Variants in DMD observed in about 807,000 individuals in gnomAD.
DMD encodes the protein dystrophin, also known as mutant dystrophin.
Under a neutral mutation model 330.1 loss-of-function variants are expected in DMD, and 63 were observed. The ratio of observed to expected loss-of-function variants is 0.19; its 90% CI spans 0.16 to 0.24. The LOEUF (loss-of-function observed/expected upper bound fraction) is 0.24. DMD is among the 10% of genes least tolerant of loss of function. The pLI, the probability that DMD is intolerant of heterozygous loss-of-function variation, is 1.00. For missense variants in DMD, 3,344 were observed against 2,684.1 expected (o/e 1.25, Z -5.43); for synonymous variants, 1,223 against 959.8 (o/e 1.27, Z -5.07).
At chrX:31,818,205 T>G in intron 50 of DMD, among the ~76,000 whole-genome samples, 1 of 112,372 alleles carries the variant, frequency 8.9e-6, no homozygotes, top group East Asian at 2.8e-4. Context: ...ATTGAGACAG[T>G]ATATATTTTC....
At chrX:32,110,028 A>G (rs914958165) in intron 44 of DMD, among the ~76,000 whole-genome samples, 10 of 112,011 alleles carry the variant, frequency 8.9e-5, no homozygotes, top group African/African-American at 3.2e-4. Flanking sequence ...TATGACTTTT[A>G]TAATAGTACA....
chrX:31,312,515 T>C (rs1277351049), intron 62 of DMD, among the ~76,000 whole-genome samples: 3 of 112,443 alleles, frequency 2.7e-5, no homozygotes, highest in Non-Finnish European at 5.6e-5. Flanking sequence ...GATGGGAATG[T>C]AAATTAGTTC....
chrX:32,732,570 G>T (rs761891646), intron 7 of DMD, among the ~76,000 whole-genome samples: 1 of 111,617 alleles, frequency 9.0e-6, no homozygotes, highest in South Asian at 3.8e-4. Context: ...TCTCTCGGCA[G>T]ACACCCTACA....
intron 1 of DMD, among the ~76,000 whole-genome samples, chrX:33,333,379 T>C (rs1050101606): frequency 1.8e-4 from 20 of 111,367 alleles, no homozygotes; most frequent in Non-Finnish European, 3.6e-4. Context: ...TCCTCAGTTT[T>C]ATAGTCTTCA....
At chrX:31,179,724 A>G (rs1469003122) in intron 69 of DMD, among the ~76,000 whole-genome samples, 1 of 111,534 alleles carries the variant, frequency 9.0e-6, no homozygotes, top group African/African-American at 3.3e-5. Flanking sequence ...TCACAGTTCT[A>G]TTGGCCACTT....
At chrX:32,987,944 G>T (rs1410269738) in intron 2 of DMD, among the ~76,000 whole-genome samples, 1 of 108,785 alleles carries the variant, frequency 9.2e-6, no homozygotes, top group African/African-American at 3.4e-5. Context: ...GATAAAAAAT[G>T]ATTAACAAAA....
chrX:32,362,850 G>A lies in DMD; in HGVS notation c.5263C>T (p.Pro1755Ser), dbSNP rs1057515872. The A allele has an allele frequency of 2.4e-5, 29 of 1,208,841 alleles. No individual in the cohort carries two copies. Among genetic ancestry groups the A allele is most frequent in the African/African-American group, 3.5e-5 (2 of 56,840 alleles). ...CGATGGTTGAGCTCTGAGATTTGGG[G>A]CTCTACTAATTTCCTGCAGTGGTCA... ...RGDHCRKLVE[P>S]QISELNHRFA... is the part of the protein sequence containing the mutation. The change falls in exon 37 of 79, where the codon CCC (proline) becomes TCC (serine). Residue 1755 changes from proline to serine, a missense_variant. Coordinates refer to ENST00000357033, the MANE Select transcript of DMD (RefSeq NM_004006.3).
At chrX:32,206,660 T>C (rs2097070542) in intron 44 of DMD, 1 of 506,114 alleles carries the variant, frequency 2.0e-6, no homozygotes, top group Non-Finnish European at 3.6e-6. Context: ...GCCAAGTTCA[T>C]GAATTATGTG....
intron 44 of DMD, among the ~76,000 whole-genome samples, chrX:32,099,512 A>G (rs1389610193): frequency 9.1e-6 from 1 of 110,142 alleles, no homozygotes; most frequent in African/African-American, 3.3e-5. Flanking sequence ...ACAATGATAG[A>G]CTGGATTAAG....
chrX:31,690,967 G>A (rs767510389), intron 52 of DMD, among the ~76,000 whole-genome samples: 3 of 110,220 alleles, frequency 2.7e-5, no homozygotes, highest in African/African-American at 6.6e-5. Context: ...GGGGCCTGTC[G>A]TGGGGTGAGG....
rs1017412260 is a variant in DMD at position 32,454,560 on chromosome X, C to T, written c.3603+102G>A. Reference sequence around the variant, plus strand: ...TAAAAATCAACCTCTTCTCTTAGAACCAGGAAAGAGCAGACTGTATACAAC... The same window carrying T: ...TAAAAATCAACCTCTTCTCTTAGAATCAGGAAAGAGCAGACTGTATACAAC... On this transcript the variant is annotated intron_variant, in intron 26 of 78. Transcript: ENST00000357033. The T allele has an allele frequency of 6.2e-6, 4 of 650,233 alleles. No homozygotes were observed. In the African/African-American group the frequency reaches 6.8e-5, roughly 11 times the overall value. 53.6% of individuals were successfully genotyped at this position (650,233 alleles called of 1,213,427 possible). A position where few individuals can be genotyped will look rare whatever the true frequency, so the allele number is the denominator to read the frequency against.
At chrX:33,276,028 G>A (rs962979717) in intron 1 of DMD, among the ~76,000 whole-genome samples, 2 of 111,269 alleles carry the variant, frequency 1.8e-5, no homozygotes, top group East Asian at 2.8e-4. Context: ...GCAAATTTCC[G>A]ATTTATGTAC....
intron 4 of DMD, among the ~76,000 whole-genome samples, chrX:32,841,230 C>G (rs921248513): frequency 5.4e-5 from 6 of 110,219 alleles, no homozygotes; most frequent in African/African-American, 1.7e-4. Context: ...TTCTAGAAAA[C>G]CTAAAATTTA....
intron 61 of DMD, among the ~76,000 whole-genome samples, chrX:31,332,782 CCT>C (rs2057201480): frequency 8.9e-6 from 1 of 112,061 alleles, no homozygotes; most frequent in South Asian, 3.8e-4. Flanking sequence ...CAAAATGCTT[CCT>C]CTGTGTTAAG....
In DMD at chrX:31,841,662, T is replaced by C. The variant is rs185469494; in HGVS notation, c.7099-4843A>G. 2.3e-3 allele frequency among the ~76,000 whole-genome samples: 256 copies of C among 112,064 alleles called. 3 individuals carry two copies. The highest frequency in any genetic ancestry group is 8.5e-4 in the Non-Finnish European group (45 of 53,173). ...ACTATTCCAAAAATCCTAGGGCCCT[T>C]AAGATTATGCTAATAGACTCTGCCT... On this transcript the variant is annotated intron_variant, in intron 48 of 78. Coordinates refer to ENST00000357033, the MANE Select transcript of DMD (RefSeq NM_004006.3).
chrX:32,314,607 C>A (rs778831012), intron 41 of DMD, among the ~76,000 whole-genome samples: 2 of 110,825 alleles, frequency 1.8e-5, no homozygotes, highest in African/African-American at 6.6e-5. Context: ...AACAGGCAAC[C>A]TACAGAATGA....
intron 62 of DMD, among the ~76,000 whole-genome samples, chrX:31,268,160 C>T (rs1024585568): frequency 8.9e-6 from 1 of 111,835 alleles, no homozygotes; most frequent in Admixed American, 9.4e-5. Flanking sequence ...CAAGTGCCTG[C>T]GATGACAGGT....
chrX:31,513,618 GCTCT>G (rs1569548518), intron 55 of DMD, among the ~76,000 whole-genome samples: 2 of 111,741 alleles, frequency 1.8e-5, no homozygotes, highest in Non-Finnish European at 3.8e-5. Context: ...TTCACTGTAT[GCTCT>G]CTAATTTTTT....
chrX:32,532,224 A>G (rs2047548778), intron 17 of DMD, among the ~76,000 whole-genome samples: 1 of 112,007 alleles, frequency 8.9e-6, no homozygotes, highest in Non-Finnish European at 1.9e-5. Context: ...TTTTCAGTGA[A>G]AAAGGTCTCT....
Sources: allele counts gnomAD v4.1 joint callset (sites outside exome capture counted in the v4.1 genomes callset), GRCh38; gene constraint gnomAD v4.1.1; transcripts MANE v1.5; gene names NCBI Gene and HGNC (gene_info 2026-07-23, HGNC 2026-07-21).